EYS: variants seen among roughly 807,000 people sequenced by gnomAD.
EYS encodes EGF-like photoreceptor maintenance factor.
Under a neutral mutation model 282.1 loss-of-function variants are expected in EYS, and 250 were observed. The observed-to-expected ratio is 0.89, with a 90% CI of 0.80 to 0.98. EYS has a LOEUF of 0.98. EYS is among the 50% of genes least tolerant of loss of function. EYS has a pLI of 0.00. For missense variants in EYS, 4,016 were observed against 3,709.0 expected, an observed-to-expected ratio of 1.08 and a Z score of -2.15; for synonymous variants, 1,355 against 1,282.9, an observed-to-expected ratio of 1.06 and a Z score of -1.20.
At chr6:64,419,073 C>T (rs1458124964) in intron 28 of EYS, among the ~76,000 whole-genome samples, 1 of 152,166 alleles carries the variant, frequency 6.6e-6, no homozygotes, top group Non-Finnish European at 1.5e-5. Context: ...CTATGGCTCC[C>T]ATCTGAGTTC....
intron 22 of EYS, among the ~76,000 whole-genome samples, chr6:64,804,586 T>C (rs950210510): frequency 6.6e-6 from 1 of 152,124 alleles, no homozygotes; most frequent in African/African-American, 2.4e-5. Context: ...TTTCAAGAAA[T>C]ACAGAATTGT....
intron 29 of EYS, among the ~76,000 whole-genome samples, chr6:64,350,399 T>C (rs1193982660): frequency 6.6e-6 from 1 of 151,650 alleles, no homozygotes; most frequent in African/African-American, 2.4e-5. Flanking sequence ...AACATTTCTC[T>C]ATATTCCAGA....
chr6:64,545,102 A>G (rs1251288666), intron 26 of EYS, among the ~76,000 whole-genome samples: 1 of 152,220 alleles, frequency 6.6e-6, no homozygotes, highest in East Asian at 1.9e-4. Flanking sequence ...CCTGATGAAC[A>G]TCAATGCAAA....
intron 29 of EYS, among the ~76,000 whole-genome samples, chr6:64,366,696 A>G (rs1772192867): frequency 6.6e-6 from 1 of 152,084 alleles, no homozygotes; most frequent in Admixed American, 6.6e-5. Flanking sequence ...TGAAGGCCAG[A>G]GAACAGGGAT....
chr6:64,313,870 C>T (rs534261710), intron 29 of EYS, among the ~76,000 whole-genome samples: 2 of 152,162 alleles, frequency 1.3e-5, no homozygotes, highest in African/African-American at 4.8e-5. Flanking sequence ...GAAGGAAGCA[C>T]TAAACATGGA....
At chr6:63,831,327 A>G (rs182155415) in intron 36 of EYS, among the ~76,000 whole-genome samples, 20 of 152,354 alleles carry the variant, frequency 1.3e-4, no homozygotes, top group Admixed American at 1.1e-3. Context: ...GACCCATCTC[A>G]TGTGCAGAGA....
chr6:65,366,159 G>A (rs1435998146), intron 8 of EYS, among the ~76,000 whole-genome samples: 1 of 151,644 alleles, frequency 6.6e-6, no homozygotes, highest in Non-Finnish European at 1.5e-5. Flanking sequence ...ACACATGCAG[G>A]ATATGGCATT....
At chr6:65,008,205 A>G (rs531292590) in intron 13 of EYS, among the ~76,000 whole-genome samples, 1 of 152,308 alleles carries the variant, frequency 6.6e-6, no homozygotes, top group Admixed American at 6.5e-5. Flanking sequence ...TAACACGGGG[A>G]AAGGAAGAAA....
At chr6:64,114,650 G>T (rs928520313) in intron 31 of EYS, among the ~76,000 whole-genome samples, 1 of 152,154 alleles carries the variant, frequency 6.6e-6, no homozygotes, top group African/African-American at 2.4e-5. Flanking sequence ...CTTTCTAGTG[G>T]CTTACTCTGC....
intron 12 of EYS, among the ~76,000 whole-genome samples, chr6:65,198,353 A>G (rs983928272): frequency 3.3e-5 from 5 of 152,136 alleles, no homozygotes; most frequent in African/African-American, 1.2e-4. Context: ...AAATAACTAG[A>G]AAGAATATAC....
rs544031589 is a variant in EYS at position 64,098,603 on chromosome 6, C to CTT, written c.6425-16603_6425-16602dup. Among the ~76,000 whole-genome samples, 216 of 139,976 alleles carry CTT rather than the reference C, an allele frequency of 1.5e-3. 1 individual carries two copies. Among genetic ancestry groups the CTT allele is most frequent in the African/African-American group, 4.2e-3 (161 of 38,136 alleles). 91.8% of individuals were successfully genotyped at this position (139,976 alleles called of 152,430 possible). A position where few individuals can be genotyped will look rare whatever the true frequency, so the allele number is the denominator to read the frequency against. ...TGTGTTAGTAATGTTTTCTTTCTTT[C>CTT]TTTTTTTTTTTTTTTGAGACGGAGT... On this transcript the variant is annotated intron_variant, in intron 31 of 42. Transcript: ENST00000503581.
chr6:64,774,188 C>A (rs1311064107), intron 22 of EYS, among the ~76,000 whole-genome samples: 1 of 151,944 alleles, frequency 6.6e-6, no homozygotes, highest in Admixed American at 6.6e-5. Context: ...GGTTGCACTT[C>A]TGAGGCTTTC....
At chr6:63,909,117 G>A (rs1196018934) in intron 35 of EYS, among the ~76,000 whole-genome samples, 2 of 152,204 alleles carry the variant, frequency 1.3e-5, no homozygotes, top group Non-Finnish European at 2.9e-5. Flanking sequence ...ATGCGAAGAT[G>A]AGAAATTTGG....
intron 14 of EYS, among the ~76,000 whole-genome samples, chr6:64,967,703 T>C (rs1293874902): frequency 6.6e-6 from 1 of 152,110 alleles, no homozygotes; most frequent in East Asian, 1.9e-4. Flanking sequence ...ACTTTACAAA[T>C]CTGTACTATA....
intron 1 of EYS, among the ~76,000 whole-genome samples, chr6:65,658,076 C>G (rs1457291249): frequency 6.6e-6 from 1 of 151,724 alleles, no homozygotes; most frequent in Non-Finnish European, 1.5e-5. Context: ...TAATAGATTA[C>G]AGTATAGTGT....
At chr6:65,502,922 A>T (rs1766510278) in intron 2 of EYS, among the ~76,000 whole-genome samples, 1 of 151,634 alleles carries the variant, frequency 6.6e-6, no homozygotes, top group African/African-American at 2.4e-5. Context: ...GTTAACCTTG[A>T]TCACCTGTCT....
intron 12 of EYS, among the ~76,000 whole-genome samples, chr6:65,223,964 A>AATACATTC (rs1409202309): frequency 3.3e-5 from 5 of 152,180 alleles, no homozygotes; most frequent in Admixed American, 2.6e-4. Context: ...CACTTAAGGT[A>AATACATTC]ACTTGTACAC....
In EYS at chr6:65,289,514, G is replaced by A. The variant is rs187108067; in HGVS notation, c.2023+6349C>T. 2.0e-3 allele frequency among the ~76,000 whole-genome samples: 299 copies of A among 151,014 alleles called. 2 individuals are homozygous for A. Among genetic ancestry groups the A allele is most frequent in the Middle Eastern group, 6.8e-3 (2 of 292 alleles). Reference sequence around the variant, plus strand: ...GAGGTGGCATCAAAATACTGCTTTCGGAAAAATGTATTCAGATAATTCTTA... The same window carrying A: ...GAGGTGGCATCAAAATACTGCTTTCAGAAAAATGTATTCAGATAATTCTTA... On this transcript the variant is annotated intron_variant, in intron 12 of 42. Coordinates refer to ENST00000503581, the MANE Select transcript of EYS (RefSeq NM_001142800.2).
chr6:64,393,107 A>T (rs1773215708), intron 28 of EYS, among the ~76,000 whole-genome samples: 1 of 152,174 alleles, frequency 6.6e-6, no homozygotes, highest in African/African-American at 2.4e-5. Context: ...TGAATAGACC[A>T]ATAGCAGGAT....
Sources: allele counts gnomAD v4.1 joint callset (sites outside exome capture counted in the v4.1 genomes callset), GRCh38; gene constraint gnomAD v4.1.1; transcripts MANE v1.5; gene names NCBI Gene and HGNC (gene_info 2026-07-23, HGNC 2026-07-21).